Variants in INPP4B observed in about 807,000 individuals in gnomAD.
The protein encoded by INPP4B is inositol polyphosphate 4-phosphatase type II.
Under a neutral mutation model 122.5 loss-of-function variants are expected in INPP4B, and 55 were observed. The ratio of observed to expected loss-of-function variants is 0.45; its 90% CI spans 0.36 to 0.56. INPP4B has a LOEUF of 0.56. Ranked by LOEUF, INPP4B falls within the 20% of genes least tolerant of loss-of-function variation. The probability of loss-of-function intolerance (pLI) is 0.00; values close to 1 mark genes in which losing one functional copy is unlikely to be tolerated. For synonymous variants in INPP4B, 403 were observed against 388.7 expected (o/e 1.04, Z -0.43); for missense variants, 1,000 against 1,097.7 (o/e 0.91, Z 1.26).
chr4:142,559,002 C>G (rs542190854), intron 2 of INPP4B, among the ~76,000 whole-genome samples: 1 of 151,918 alleles, frequency 6.6e-6, no homozygotes, highest in East Asian at 1.9e-4. Flanking sequence ...TAGAACGCTG[C>G]GAAGCCCAAC....
intron 22 of INPP4B, among the ~76,000 whole-genome samples, chr4:142,109,012 C>A (rs78237712): frequency 2.1e-4 from 32 of 152,100 alleles, no homozygotes; most frequent in African/African-American, 7.7e-4. Context: ...TCCTTTGAAC[C>A]ATTGCTAAGC....
intron 2 of INPP4B, among the ~76,000 whole-genome samples, chr4:142,530,350 T>A (rs1286685523): frequency 2.0e-5 from 3 of 151,994 alleles, no homozygotes; most frequent in Non-Finnish European, 4.4e-5. Flanking sequence ...TAACATTCAT[T>A]CTTTAAACTA....
intron 7 of INPP4B, among the ~76,000 whole-genome samples, chr4:142,332,437 T>A (rs540145812): frequency 9.9e-5 from 15 of 152,096 alleles, no homozygotes; most frequent in African/African-American, 2.9e-4. Flanking sequence ...CATTAAAGGC[T>A]TTTATAAAGC....
chr4:142,588,592 AATT>A (rs1251701244), intron 2 of INPP4B, among the ~76,000 whole-genome samples: 2 of 150,356 alleles, frequency 1.3e-5, no homozygotes, highest in East Asian at 1.9e-4. Flanking sequence ...TAAGTTATAT[AATT>A]ATTAATTCCA....
intron 15 of INPP4B, among the ~76,000 whole-genome samples, chr4:142,187,921 T>G (rs1833886156): frequency 6.6e-6 from 1 of 152,036 alleles, no homozygotes; most frequent in Non-Finnish European, 1.5e-5. Flanking sequence ...ACTTTAAAAT[T>G]AGTCATTTTA....
At chr4:142,207,303 C>A (rs372118467) in intron 14 of INPP4B, among the ~76,000 whole-genome samples, 1 of 152,122 alleles carries the variant, frequency 6.6e-6, no homozygotes, top group African/African-American at 2.4e-5. Flanking sequence ...GATAAACACC[C>A]GGATGTGTGA....
chr4:142,811,740 A>C (rs1242686456), intron 1 of INPP4B, among the ~76,000 whole-genome samples: 1 of 152,080 alleles, frequency 6.6e-6, no homozygotes, highest in Non-Finnish European at 1.5e-5. Context: ...AACTCAGCTG[A>C]CCATCTGGCA....
At chr4:142,030,255 C>T (rs1249014011) in intron 25 of INPP4B, 2 of 1,535,508 alleles carry the variant, frequency 1.3e-6, no homozygotes, top group South Asian at 1.2e-5. Context: ...AGTTAGACAG[C>T]CTGTTTCAGG....
chr4:142,375,741 C>T (rs1791605983), intron 7 of INPP4B, among the ~76,000 whole-genome samples: 1 of 151,916 alleles, frequency 6.6e-6, no homozygotes, highest in Admixed American at 6.6e-5. Context: ...TATCTTGCAA[C>T]TATGCAGTGA....
chr4:142,832,429 A>G (rs1056259664), intron 1 of INPP4B, among the ~76,000 whole-genome samples: 2 of 152,222 alleles, frequency 1.3e-5, no homozygotes, highest in African/African-American at 4.8e-5. Context: ...TGATCCAGTC[A>G]GAGCTAAATA....
chr4:142,100,272 C>T (rs1016205136), intron 23 of INPP4B, among the ~76,000 whole-genome samples: 3 of 152,102 alleles, frequency 2.0e-5, no homozygotes, highest in Non-Finnish European at 4.4e-5. Flanking sequence ...GTTGCTTCCC[C>T]ACCTTTCTGT....
intron 7 of INPP4B, among the ~76,000 whole-genome samples, chr4:142,321,155 G>A (rs1769848506): frequency 1.3e-5 from 2 of 152,050 alleles, no homozygotes; most frequent in South Asian, 4.2e-4. Context: ...TTTAATTGTG[G>A]CCATTCCTGA....
chr4:142,573,168 C>T lies in INPP4B; in HGVS notation c.-190-110442G>A, dbSNP rs561172441. Among the ~76,000 whole-genome samples, 57 of 151,868 alleles carry T rather than the reference C, an allele frequency of 3.8e-4. No homozygotes were observed. The East Asian group carries it at 6.8e-3, about 18-fold the overall frequency. On this transcript the variant is annotated intron_variant, in intron 2 of 25. Transcript: ENST00000262992. ...AGAGCAAGAGCTAAGGGGGAAAGTG[C>T]CACATACCTTTAAACAACCAGATCT...
chr4:142,216,196 A>G (rs1003457539), intron 12 of INPP4B, among the ~76,000 whole-genome samples: 25 of 152,132 alleles, frequency 1.6e-4, no homozygotes, highest in Admixed American at 1.6e-3. Context: ...AAACACATAC[A>G]ATCTCATGAA....
chr4:142,381,080 C>G (rs904304561), intron 7 of INPP4B, among the ~76,000 whole-genome samples: 2 of 152,082 alleles, frequency 1.3e-5, no homozygotes, highest in Non-Finnish European at 2.9e-5. Context: ...TTCCATATAT[C>G]TTTAAGTCCT....
chr4:142,466,888 C>G (rs1269368729), intron 2 of INPP4B, among the ~76,000 whole-genome samples: 2 of 152,176 alleles, frequency 1.3e-5, no homozygotes, highest in Non-Finnish European at 2.9e-5. Context: ...GGTACAGGTA[C>G]AGCTCAGGCT....
chr4:142,186,240 C>G (rs1395297503), intron 15 of INPP4B, among the ~76,000 whole-genome samples: 1 of 152,190 alleles, frequency 6.6e-6, no homozygotes, highest in African/African-American at 2.4e-5. Context: ...GTGCCAGGCA[C>G]AGTTATAAAT....
chr4:142,756,714 T>G (rs549563923), intron 1 of INPP4B, among the ~76,000 whole-genome samples: 2 of 152,216 alleles, frequency 1.3e-5, no homozygotes, highest in African/African-American at 2.4e-5. Context: ...AGAACAGACC[T>G]GAATTAATAG....
At chr4:142,586,348 G>A (rs989947530) in intron 2 of INPP4B, among the ~76,000 whole-genome samples, 4 of 151,808 alleles carry the variant, frequency 2.6e-5, no homozygotes, top group African/African-American at 4.8e-5. Context: ...CAACAACAAC[G>A]ACAACAACAA....
Sources: gnomAD v4.1 joint callset for allele counts (sites outside exome capture counted in the v4.1 genomes callset) on GRCh38, gnomAD v4.1.1 for gene constraint, MANE v1.5 for transcripts, NCBI Gene and HGNC (gene_info 2026-07-23, HGNC 2026-07-21) for gene names.